The following MAN1B1 variants were observed in gnomAD, a reference collection of about 807,000 sequenced individuals.
The protein encoded by MAN1B1 is endoplasmic reticulum mannosyl-oligosaccharide 1,2-alpha-mannosidase.
In MAN1B1, 66 loss-of-function variants were observed where a neutral mutation model predicts 75.5. The observed-to-expected ratio is 0.87, with a 90% CI of 0.72 to 1.07. The LOEUF is 1.07. Ranked by LOEUF, MAN1B1 falls within the 50% of genes least tolerant of loss-of-function variation. The pLI is 0.00. For missense variants in MAN1B1, 973 were observed against 912.5 expected, an observed-to-expected ratio of 1.07 and a Z score of -0.85; for synonymous variants, 453 against 382.8, an observed-to-expected ratio of 1.18 and a Z score of -2.14.
At position 137,107,713 on chromosome 9, in the gene MAN1B1, C is replaced by G. The variant is rs753881323; in HGVS notation, c.1896+51C>G. 1.9e-6 allele frequency: 3 copies of G among 1,610,184 alleles called. No homozygotes were observed. In the African/African-American group the frequency reaches 4.0e-5, roughly 21 times the overall value. On this transcript the variant is annotated intron_variant, in intron 12 of 12. Transcript: ENST00000371589. ...GGTCACGGCCACCGGGCCACAGGCA[C>G]GGCTGGGCTGTGGGGCTCAGGCTGG...
intron 3 of MAN1B1, among the ~76,000 whole-genome samples, chr9:137,092,326 A>G (rs1478271171): frequency 6.6e-6 from 1 of 152,204 alleles, no homozygotes; most frequent in South Asian, 2.1e-4. Context: ...CCTGGATGAC[A>G]GGGAGACCCT....
Position 137,087,086 on chromosome 9 carries a change from G to C in MAN1B1, c.87G>C (p.Trp29Cys). The change falls in exon 1 of 13, where the codon TGG becomes TGC. Residue 29 changes from tryptophan (W) to cysteine (C), a missense_variant. Transcript: ENST00000371589. ...FLTPPVGGAPWAVATTVVMYP... is the reference protein window; with the variant it reads ...FLTPPVGGAPCAVATTVVMYP... ...CGCCGCCAGTGGGCGGGGCCCCTTG[G>C]GCCGTCGCCACCACTGTAGTCATGT... is the stretch of plus-strand genomic sequence containing the variant. 6.2e-7 allele frequency: 1 copy of C among 1,600,342 alleles called. No individual in the cohort carries two copies. Among genetic ancestry groups the C allele is most frequent in the Non-Finnish European group, 8.5e-7 (1 of 1,175,352 alleles).
rs1484136498 is a variant in MAN1B1 at position 137,088,955 on chromosome 9, C to T, written c.415C>T (p.Pro139Ser). 2 of 1,613,904 alleles carry T rather than the reference C, an allele frequency of 1.2e-6. No individual in the cohort carries two copies. Among genetic ancestry groups the T allele is most frequent in the African/African-American group, 1.3e-5 (1 of 74,922 alleles). ...AGCAAATCCACCCGTCTTACCAGCT[C>T]CTCAGAAGGCGGACACCGACCCTGA... ...KPANPPVLPAPQKADTDPENL... is the reference protein window; with the variant it reads ...KPANPPVLPASQKADTDPENL... Residue 139 changes from proline (P) to serine (S), a missense_variant, in exon 3 of 13, where the codon CCT becomes TCT. Pro to Ser is a moderately conservative substitution (Grantham distance 74, BLOSUM62 -1). Transcript: ENST00000371589.
In MAN1B1 at chr9:137,103,187, T is replaced by C. The variant is rs1243354899; in HGVS notation, c.1254+1515T>C. 9.1e-6 allele frequency: 3 copies of C among 328,534 alleles called. 1 individual carries two copies. In the African/African-American group the frequency reaches 1.3e-4, roughly 14 times the overall value. 20.4% of individuals were successfully genotyped at this position (328,534 alleles called of 1,614,324 possible). On this transcript the variant is annotated intron_variant, in intron 8 of 12. Coordinates refer to ENST00000371589, the MANE Select transcript of MAN1B1 (RefSeq NM_016219.5). The stretch of plus-strand genomic sequence containing the variant: ...GGCGTGCAGGTCGGTGGTACACACA[T>C]TCACACTGTTGCAGGCGTGCAGGTC...
At chr9:137,089,032 A>G (rs761422081) in intron 3 of MAN1B1, 27 bp downstream of exon 3, 2 of 1,613,780 alleles carry the variant, frequency 1.2e-6, no homozygotes, top group Non-Finnish European at 1.7e-6. Flanking sequence ...GTGTGGGGTT[A>G]TAACTGGGGT....
chr9:137,092,793 C>T (rs907760075), intron 3 of MAN1B1, among the ~76,000 whole-genome samples: 19 of 152,110 alleles, frequency 1.2e-4, no homozygotes, highest in African/African-American at 1.9e-4. Flanking sequence ...CAGAAACTGG[C>T]GCCTGCTTTT....
chr9:137,106,556 C>T (rs1451179269), intron 9 of MAN1B1, 133 bp from the exon 10 acceptor site: 8 of 1,424,264 alleles, frequency 5.6e-6, no homozygotes, highest in Non-Finnish European at 7.8e-6. Flanking sequence ...ATGGGCTGTG[C>T]AGGGTGGCAC....
At chr9:137,099,674 T>C in intron 5 of MAN1B1, 22 bp from the exon 6 acceptor site, 2 of 1,613,768 alleles carry the variant, frequency 1.2e-6, no homozygotes, top group East Asian at 2.2e-5. Context: ...CGCCATGGCC[T>C]GTGCTCTCTC....
Position 137,107,316 on chromosome 9 carries a change from C to A in MAN1B1, c.1633C>A (p.His545Asn), listed in dbSNP as rs1160994190. 3.7e-6 allele frequency: 6 copies of A among 1,613,206 alleles called. No homozygotes were observed. In the Admixed American group the frequency reaches 1.0e-4, roughly 27 times the overall value. ...CGTCTACCACGGCCTGCCCGCCAGC[C>A]ACATGGAGCTGGCCCAGGAGCTCAT... is the stretch of plus-strand genomic sequence containing the variant. ...LGVYHGLPAS[H>N]MELAQELMET... The change falls in exon 11 of 13, where the codon CAC becomes AAC. Residue 545 changes from histidine (H) to asparagine (N), a missense_variant. Transcript: ENST00000371589.
chr9:137,107,476 C>CA (rs761477847), intron 11 of MAN1B1, 29 bp downstream of exon 11: 5 of 1,613,158 alleles, frequency 3.1e-6, no homozygotes, highest in Non-Finnish European at 3.4e-6. Flanking sequence ...CAGGGTCCAT[C>CA]AGGAGGAGGG....
At chr9:137,091,758 C>T (rs1830523805) in intron 3 of MAN1B1, among the ~76,000 whole-genome samples, 1 of 151,602 alleles carries the variant, frequency 6.6e-6, no homozygotes, top group South Asian at 2.1e-4. Flanking sequence ...GATCACCTGA[C>T]CTCGTGATCT....
Position 137,108,788 on chromosome 9 carries a change from G to A in MAN1B1, c.*197G>A, listed in dbSNP as rs763970865. 2 of 701,248 alleles carry A rather than the reference G, an allele frequency of 2.9e-6. No homozygotes were observed. Among genetic ancestry groups the A allele is most frequent in the Non-Finnish European group, 5.2e-6 (2 of 385,584 alleles). 43.4% of individuals were successfully genotyped at this position (701,248 alleles called of 1,614,324 possible). ...AGGCCGTCAGTCTTGGTGTGATGCG[G>A]GGTGGGCTGGGCCGCTGGAGCCTCC... On this transcript the variant is annotated 3_prime_UTR_variant, in exon 13 of 13. Transcript: ENST00000371589.
At chr9:137,094,049 CTG>C (rs1354063935) in intron 3 of MAN1B1, among the ~76,000 whole-genome samples, 2 of 148,842 alleles carry the variant, frequency 1.3e-5, no homozygotes, top group East Asian at 4.1e-4. Context: ...GAGTCTCACT[CTG>C]TTGCCCAGGC....
In MAN1B1 at chr9:137,107,390, C is replaced by T. The variant is rs139920960; in HGVS notation, c.1707C>T (p.Pro569=). 1.5e-5 allele frequency: 24 copies of T among 1,613,464 alleles called. No homozygotes were observed. Among genetic ancestry groups the T allele is most frequent in the South Asian group, 6.6e-5 (6 of 91,092 alleles). ...MNRQMETGLS[P]EIVHFNLYPQ... ...GGCAGATGGAGACGGGGCTGAGTCCCGAGATCGTGCACTTCAACCTTTACC... is the reference window on the plus strand; with the variant it reads ...GGCAGATGGAGACGGGGCTGAGTCCTGAGATCGTGCACTTCAACCTTTACC... The change falls in exon 11 of 13, where the codon CCC becomes CCT. Residue 569 remains proline (P), a synonymous_variant. Coordinates refer to ENST00000371589, the MANE Select transcript of MAN1B1 (RefSeq NM_016219.5).
chr9:137,102,716 A>G (rs1830896301), intron 8 of MAN1B1: 1 of 161,008 alleles, frequency 6.2e-6, no homozygotes, highest in Non-Finnish European at 1.2e-5. Context: ...TGTTACACAC[A>G]TTCATGCTGT....
At chr9:137,102,770 G>C (rs371043212) in intron 8 of MAN1B1, 3 of 452,422 alleles carry the variant, frequency 6.6e-6, no homozygotes, top group Non-Finnish European at 1.3e-5. Context: ...ACTTGCAGGC[G>C]TGCAGGTCGG....
intron 3 of MAN1B1, among the ~76,000 whole-genome samples, chr9:137,089,660 A>G (rs929888663): frequency 2.7e-4 from 41 of 152,154 alleles, no homozygotes. Flanking sequence ...TGGAGGTCTG[A>G]GATGTTTACT....
At position 137,095,203 on chromosome 9, in the gene MAN1B1, G is replaced by A. The variant is rs114466177; in HGVS notation, c.466-1034G>A. On this transcript the variant is annotated intron_variant, in intron 3 of 12. Coordinates refer to ENST00000371589, the MANE Select transcript of MAN1B1 (RefSeq NM_016219.5). ...ACTCTGACTGGGATTACAGGCGTGC[G>A]CCACCACGCCTGGCTAATTGTTCGT... Among the ~76,000 whole-genome samples the A allele has an allele frequency of 9.0e-3, 1,363 of 150,776 alleles. 12 individuals carry two copies. Among genetic ancestry groups the A allele is most frequent in the African/African-American group, 0.023 (962 of 41,202 alleles).
chr9:137,099,907 C>T (rs770271432), intron 6 of MAN1B1, 26 bp downstream of exon 6: 1 of 1,612,796 alleles, frequency 6.2e-7, no homozygotes, highest in Non-Finnish European at 8.5e-7. Context: ...TGGGGAGGGG[C>T]TGAGCCCTCC....
Sources: gnomAD v4.1 joint callset for allele counts (sites outside exome capture counted in the v4.1 genomes callset) on GRCh38, gnomAD v4.1.1 for gene constraint, MANE v1.5 for transcripts, NCBI Gene and HGNC (gene_info 2026-07-23, HGNC 2026-07-21) for gene names.